Variants in DENND5B observed in about 807,000 individuals in gnomAD.
DENND5B encodes DENN domain containing 5B.
DENND5B carries 34 observed loss-of-function variants against 140.6 expected under a neutral mutation model. The ratio of observed to expected loss-of-function variants is 0.24; its 90% CI spans 0.18 to 0.32. The LOEUF (loss-of-function observed/expected upper bound fraction) is 0.32. Ranked by LOEUF, DENND5B falls within the 10% of genes least tolerant of loss-of-function variation. The pLI is 1.00. For synonymous variants in DENND5B, 551 were observed against 562.1 expected (o/e 0.98, Z 0.28); for missense variants, 1,142 against 1,560.2 (o/e 0.73, Z 4.52).
intron 1 of DENND5B, among the ~76,000 whole-genome samples, chr12:31,580,860 C>T (rs1023042664): frequency 6.6e-6 from 1 of 152,176 alleles, no homozygotes; most frequent in African/African-American, 2.4e-5. Context: ...AATCCCAGCA[C>T]TTTGAGAGGC....
chr12:31,388,746 G>C (rs1157219758), intron 20 of DENND5B, among the ~76,000 whole-genome samples: 2 of 152,118 alleles, frequency 1.3e-5, no homozygotes, highest in African/African-American at 4.8e-5. Flanking sequence ...AAAAAATAAA[G>C]GGGTAGGAAA....
chr12:31,533,050 A>G (rs1299032470), intron 1 of DENND5B, among the ~76,000 whole-genome samples: 3 of 152,192 alleles, frequency 2.0e-5, no homozygotes, highest in African/African-American at 4.8e-5. Flanking sequence ...GGAGACTAAG[A>G]GCTTGCACAA....
chr12:31,415,672 C>T (rs1942699062), intron 11 of DENND5B, among the ~76,000 whole-genome samples: 1 of 152,132 alleles, frequency 6.6e-6, no homozygotes, highest in African/African-American at 2.4e-5. Flanking sequence ...CAGCCTCAAC[C>T]TCCTGGGCTC....
At chr12:31,414,921 C>CA (rs34987633) in intron 12 of DENND5B, among the ~76,000 whole-genome samples, 46,923 of 109,244 alleles carry the variant, frequency 0.43, 9,247 homozygotes, top group Non-Finnish European at 0.52. Context: ...GACGCCATCT[C>CA]AAAAAAAAAA....
intron 1 of DENND5B, among the ~76,000 whole-genome samples, chr12:31,581,822 T>C (rs1361282042): frequency 2.6e-5 from 4 of 152,156 alleles, no homozygotes; most frequent in African/African-American, 9.7e-5. Flanking sequence ...TATCCCTCAG[T>C]ATCTGTGTGG....
chr12:31,527,953 AAC>A (rs3867157), intron 1 of DENND5B, among the ~76,000 whole-genome samples: 86,691 of 151,806 alleles, frequency 0.57, 25,209 homozygotes, highest in East Asian at 0.82. Context: ...TTAAATTAAA[AAC>A]AGTCAGTGTC....
intron 1 of DENND5B, among the ~76,000 whole-genome samples, chr12:31,566,338 C>CTGTGTGTGTG (rs6144677): frequency 0.032 from 4,763 of 148,532 alleles, 106 homozygotes; most frequent in South Asian, 0.054. Context: ...CTCTTAAAAA[C>CTGTGTGTGTG]TGTGTGTGTG....
chr12:31,465,032 A>T (rs1016912478), intron 3 of DENND5B: 2 of 152,270 alleles, frequency 1.3e-5, no homozygotes, highest in African/African-American at 4.8e-5. Context: ...TATACAATAA[A>T]AACATACTGT....
intron 1 of DENND5B, among the ~76,000 whole-genome samples, chr12:31,526,516 T>C (rs914571959): frequency 6.6e-6 from 1 of 152,206 alleles, no homozygotes; most frequent in Non-Finnish European, 1.5e-5. Flanking sequence ...ATTCACGATG[T>C]GAATGCTGAG....
At chr12:31,552,208 G>A (rs1037872600) in intron 1 of DENND5B, among the ~76,000 whole-genome samples, 1 of 152,136 alleles carries the variant, frequency 6.6e-6, no homozygotes, top group African/African-American at 2.4e-5. Context: ...GGTTGTCATA[G>A]ATAGCTCTTA....
chr12:31,400,438 T>C (rs1941730284), intron 15 of DENND5B, among the ~76,000 whole-genome samples: 1 of 152,204 alleles, frequency 6.6e-6, no homozygotes, highest in Admixed American at 6.5e-5. Context: ...AAAGCAATGA[T>C]AATAGGAATA....
chr12:31,538,504 C>T (rs1357583838), intron 1 of DENND5B, among the ~76,000 whole-genome samples: 1 of 152,084 alleles, frequency 6.6e-6, no homozygotes, highest in African/African-American at 2.4e-5. Flanking sequence ...AAATAAACAA[C>T]TATTTAATGA....
chr12:31,452,253 G>A lies in DENND5B; in HGVS notation c.1316C>T (p.Thr439Ile), dbSNP rs754961808. 6 of 1,613,830 alleles carry A rather than the reference G, an allele frequency of 3.7e-6. No homozygotes were observed. In the African/African-American group the frequency reaches 8.0e-5, roughly 22 times the overall value. The change falls in exon 5 of 21, where the codon ACT (threonine) becomes ATT (isoleucine). Residue 439 changes from threonine to isoleucine, a missense_variant. By Grantham distance (89) the Thr-to-Ile change is moderately conservative. Coordinates refer to ENST00000389082, the MANE Select transcript of DENND5B (RefSeq NM_144973.4). ...TAACTCATACATGCTGATGTTATTA[G>A]TACAGACATTGCCGTTCTTTTTGTC... ...VNDKKNGNVC[T>I]NNISMYELLK...
chr12:31,552,369 G>A (rs1176462097), intron 1 of DENND5B, among the ~76,000 whole-genome samples: 1 of 152,150 alleles, frequency 6.6e-6, no homozygotes, highest in East Asian at 1.9e-4. Context: ...TACATTTATT[G>A]ATTTGTGTAT....
chr12:31,580,218 T>C (rs952302434), intron 1 of DENND5B, among the ~76,000 whole-genome samples: 1 of 152,002 alleles, frequency 6.6e-6, no homozygotes, highest in East Asian at 1.9e-4. Context: ...AAATAAGACA[T>C]GTTTGCTTAA....
intron 13 of DENND5B, among the ~76,000 whole-genome samples, chr12:31,412,064 T>C (rs1250675998): frequency 2.6e-5 from 4 of 152,174 alleles, no homozygotes; most frequent in Admixed American, 6.6e-5. Context: ...TTCTCCTGAT[T>C]CAGCCTCCAA....
intron 1 of DENND5B, among the ~76,000 whole-genome samples, chr12:31,509,965 T>C (rs1947347534): frequency 6.6e-6 from 1 of 152,178 alleles, no homozygotes; most frequent in Admixed American, 6.5e-5. Flanking sequence ...TTAGATGGCA[T>C]TTGAGGACCA....
chr12:31,527,029 C>T, intron 1 of DENND5B, among the ~76,000 whole-genome samples: 1 of 152,098 alleles, frequency 6.6e-6, no homozygotes, highest in South Asian at 2.1e-4. Flanking sequence ...CACCATGGTG[C>T]TTATAGTTCA....
intron 1 of DENND5B, among the ~76,000 whole-genome samples, chr12:31,573,707 T>G (rs1185111360): frequency 6.6e-6 from 1 of 152,198 alleles, no homozygotes; most frequent in Non-Finnish European, 1.5e-5. Context: ...GTCTAGGGCA[T>G]TTGCTGGCTA....
Sources: allele counts gnomAD v4.1 joint callset (sites outside exome capture counted in the v4.1 genomes callset), GRCh38; gene constraint gnomAD v4.1.1; transcripts MANE v1.5; gene names NCBI Gene and HGNC (gene_info 2026-07-23, HGNC 2026-07-21).